The following F13B variants were observed in gnomAD, a reference collection of about 807,000 sequenced individuals.
F13B encodes TGase.
A neutral mutation model predicts 79.8 loss-of-function variants in F13B; 58 were observed. That is an observed-to-expected ratio of 0.73 (90% confidence interval 0.59 to 0.90). The LOEUF (loss-of-function observed/expected upper bound fraction) is 0.90, where lower values mean the gene tolerates loss of function less well. F13B is among the 40% of genes least tolerant of loss of function. F13B has a pLI of 0.00. For synonymous variants in F13B, 283 were observed against 260.3 expected, an observed-to-expected ratio of 1.09 and a Z score of -0.84; for missense variants, 773 against 777.0, an observed-to-expected ratio of 0.99 and a Z score of 0.06.
At chr1:197,064,029 T>C (rs769697624) in intron 1 of F13B, among the ~76,000 whole-genome samples, 1 of 152,002 alleles carries the variant, frequency 6.6e-6, no homozygotes, top group Non-Finnish European at 1.5e-5. Flanking sequence ...CTTGGCAAAA[T>C]AGGATATTTA....
intron 10 of F13B, 51 bp downstream of exon 10, chr1:197,050,646 A>G: frequency 6.5e-7 from 1 of 1,537,206 alleles, no homozygotes; most frequent in Non-Finnish European, 9.0e-7. Flanking sequence ...ATGACAGCAA[A>G]TTAAAAATAT....
At chr1:197,048,895 T>G (rs1655339625) in intron 10 of F13B, among the ~76,000 whole-genome samples, 1 of 152,018 alleles carries the variant, frequency 6.6e-6, no homozygotes, top group African/African-American at 2.4e-5. Context: ...ATCAACAAAT[T>G]TTAAAGTGCA....
chr1:197,061,784 C>T lies in F13B; in HGVS notation c.451G>A (p.Glu151Lys). ...SSQPTCRKEH[E>K]TCLAPELYNG... ...CAGTTTTAGGAAATGATTCTTATAC[C>T]ATGTTCTTTCCTACAGGTTGGTTGA... The change falls in exon 3 of 12, where the codon GAA becomes AAA. Residue 151 changes from glutamate to lysine, a missense_variant and splice_region_variant. By Grantham distance (56) the Glu-to-Lys change is moderately conservative. Coordinates refer to ENST00000367412, the MANE Select transcript of F13B (RefSeq NM_001994.3). The T allele has an allele frequency of 1.9e-6, 3 of 1,612,080 alleles. No individual in the cohort carries two copies. Among genetic ancestry groups the T allele is most frequent in the South Asian group, 2.2e-5 (2 of 91,028 alleles).
rs1655623849 is a variant in F13B, at chr1:197,055,877, G to A, written c.1192C>T (p.His398Tyr). The part of the protein sequence containing the change: ...ECVENNENCK[H>Y]PPVVMNGAVA... The stretch of plus-strand genomic sequence containing the variant: ...GCCCCATTCATTACAACAGGAGGAT[G>A]CTTACAATTCTCATTATTTTCTAAG... Residue 398 changes from histidine to tyrosine, a missense_variant, in exon 8 of 12, where the codon CAT (histidine) becomes TAT (tyrosine). By Grantham distance (83) the His-to-Tyr change is moderately conservative. Coordinates refer to ENST00000367412, the MANE Select transcript of F13B (RefSeq NM_001994.3). 1 of 1,613,152 alleles carries A rather than the reference G, an allele frequency of 6.2e-7. No individual in the cohort carries two copies. Among genetic ancestry groups the A allele is most frequent in the Non-Finnish European group, 8.5e-7 (1 of 1,179,590 alleles).
In F13B at chr1:197,046,794, A is replaced by T. The variant is rs571260953; in HGVS notation, c.1738+3903T>A. Reference sequence around the variant, plus strand: ...AGGCTACAGTAACCAAAACAGCATGATACTGGTACCAAAACAGATATATAG... The same window carrying T: ...AGGCTACAGTAACCAAAACAGCATGTTACTGGTACCAAAACAGATATATAG... On this transcript the variant is annotated intron_variant, in intron 10 of 11. Coordinates refer to ENST00000367412, the MANE Select transcript of F13B (RefSeq NM_001994.3). 7.8e-3 allele frequency among the ~76,000 whole-genome samples: 1,190 copies of T among 152,228 alleles called. 10 individuals are homozygous for T. The highest frequency in any genetic ancestry group is 0.017 in the Middle Eastern group (5 of 294).
intron 2 of F13B, 70 bp from the exon 3 acceptor site, chr1:197,062,039 G>T: frequency 7.5e-7 from 1 of 1,330,742 alleles, no homozygotes; most frequent in African/African-American, 1.4e-5. Flanking sequence ...GTAAAATTAA[G>T]CCAAAAGTAT....
chr1:197,046,029 C>T (rs1304648477), intron 10 of F13B, among the ~76,000 whole-genome samples: 1 of 152,134 alleles, frequency 6.6e-6, no homozygotes, highest in African/African-American at 2.4e-5. Context: ...ATAATATGAG[C>T]TGTTCATGAC....
At chr1:197,056,274 G>A (rs1180329070) in intron 7 of F13B, among the ~76,000 whole-genome samples, 1 of 151,910 alleles carries the variant, frequency 6.6e-6, no homozygotes, top group Non-Finnish European at 1.5e-5. Context: ...TTCATCTCAG[G>A]TCTCAATAGA....
Position 197,038,881 on chromosome 1 carries a change from C to T in F13B, c.*497G>A, listed in dbSNP as rs761870098. 3.9e-5 allele frequency among the ~76,000 whole-genome samples: 6 copies of T among 152,020 alleles called. No homozygotes were observed. The East Asian group carries it at 9.7e-4, about 24-fold the overall frequency. ...TACAGTTAATTTTAAAAGTTTTTTA[C>T]ATTTAGAAAGTCTGAAGGGCAGTCT... On this transcript the variant is annotated 3_prime_UTR_variant, in exon 12 of 12. Transcript: ENST00000367412.
Position 197,045,162 on chromosome 1 carries a change from C to T in F13B, c.1739-4427G>A, listed in dbSNP as rs17514746. Among the ~76,000 whole-genome samples, 966 of 151,962 alleles carry T rather than the reference C, an allele frequency of 6.4e-3. 12 individuals carry two copies. The highest frequency in any genetic ancestry group is 0.022 in the African/African-American group (927 of 41,452). ...AGGCAAGAAATAACTAAGATCAGAG[C>T]AGAACTGAAGGAAATAGAGACACAA... On this transcript the variant is annotated intron_variant, in intron 10 of 11. Coordinates refer to ENST00000367412, the MANE Select transcript of F13B (RefSeq NM_001994.3).
In F13B at chr1:197,062,188, G is replaced by T. The variant is rs140950091; in HGVS notation, c.266-219C>A. Among the ~76,000 whole-genome samples, 75 of 151,910 alleles carry T rather than the reference G, an allele frequency of 4.9e-4. No individual in the cohort carries two copies. The Middle Eastern group carries it at 0.014, about 28-fold the overall frequency. On this transcript the variant is annotated intron_variant, in intron 2 of 11. Coordinates refer to ENST00000367412, the MANE Select transcript of F13B (RefSeq NM_001994.3). ...TCTACCCCTACCACATCTACTTCTA[G>T]ATAGGTTTACTAGATATATCAACCA...
chr1:197,065,469 A>G (rs531180961), intron 1 of F13B, among the ~76,000 whole-genome samples: 2 of 152,298 alleles, frequency 1.3e-5, no homozygotes, highest in South Asian at 4.1e-4. Context: ...AATGGTAAAT[A>G]AATAAAAATG....
chr1:197,056,975 A>C (rs368848030), intron 7 of F13B, 38 bp downstream of exon 7: 1 of 1,607,552 alleles, frequency 6.2e-7, no homozygotes, highest in Non-Finnish European at 8.5e-7. Context: ...ATTTTACACC[A>C]TAAGTTTAGC....
At chr1:197,063,443 T>C (rs748977743) in intron 1 of F13B, among the ~76,000 whole-genome samples, 3 of 152,094 alleles carry the variant, frequency 2.0e-5, no homozygotes, top group Non-Finnish European at 4.4e-5. Context: ...TCCTCTCCTG[T>C]AGCTAGGACT....
chr1:197,052,892 A>AT, intron 8 of F13B, 58 bp from the exon 9 acceptor site: 2 of 1,403,404 alleles, frequency 1.4e-6, no homozygotes, highest in South Asian at 2.5e-5. Flanking sequence ...TAAAAGTGAT[A>AT]TTTTTTAAAA....
In F13B at chr1:197,039,089, ATAGTC is replaced by A. The variant is rs1312771182; in HGVS notation, c.*284_*288del. On this transcript the variant is annotated 3_prime_UTR_variant, in exon 12 of 12. Transcript: ENST00000367412. ...CATACAGTATATTGAAAACAACTATATAGTCTAGTCAATGGGCATTAGGAAATGAA... is the reference window on the plus strand; with the variant it reads ...CATACAGTATATTGAAAACAACTATATAGTCAATGGGCATTAGGAAATGAA... 6.0e-6 allele frequency: 2 copies of A among 335,278 alleles called. No individual in the cohort carries two copies. Among genetic ancestry groups the A allele is most frequent in the African/African-American group, 4.3e-5 (2 of 47,028 alleles). 20.8% of individuals were successfully genotyped at this position (335,278 alleles called of 1,614,324 possible).
At chr1:197,064,945 A>G (rs1208451159) in intron 1 of F13B, among the ~76,000 whole-genome samples, 3 of 152,096 alleles carry the variant, frequency 2.0e-5, no homozygotes, top group East Asian at 1.9e-4. Context: ...ACTATGAGAC[A>G]TAAAATACTA....
chr1:197,057,200 T>C lies in F13B; in HGVS notation c.986-2A>G. ...CACAGGCTACCTTCTCCTGTCCTTC[T>C]GAAAAGGTACAGTTGAAAGAGAACT... is the stretch of plus-strand genomic sequence containing the variant. On this transcript the variant is annotated splice_acceptor_variant, in intron 6 of 11. Transcript: ENST00000367412. LOFTEE classifies it high-confidence loss of function. 1.2e-6 allele frequency: 2 copies of C among 1,613,928 alleles called. No homozygotes were observed. The highest frequency in any genetic ancestry group is 1.7e-6 in the Non-Finnish European group (2 of 1,179,928).
Position 197,057,059 on chromosome 1 carries a change from C to T in F13B, c.1125G>A (p.Glu375=), listed in dbSNP as rs1160341546. 6.2e-7 allele frequency: 1 copy of T among 1,613,730 alleles called. No individual in the cohort carries two copies. Among genetic ancestry groups the T allele is most frequent in the South Asian group, 1.1e-5 (1 of 91,078 alleles). ...TCCATTTTCCACGATTACAAGTTAT[C>T]TCATTCGATCCATGGAGAAGGTAGC... ...KSGYLLHGSN[E]ITCNRGKWTL... is the part of the protein sequence containing the mutation. Residue 375 remains glutamate, a synonymous_variant, in exon 7 of 12, where the codon GAG becomes GAA. Coordinates refer to ENST00000367412, the MANE Select transcript of F13B (RefSeq NM_001994.3).
Sources: gnomAD v4.1 joint callset for allele counts (sites outside exome capture counted in the v4.1 genomes callset) on GRCh38, gnomAD v4.1.1 for gene constraint, MANE v1.5 for transcripts, NCBI Gene and HGNC (gene_info 2026-07-23, HGNC 2026-07-21) for gene names.